The following ARMH1 variants were observed in gnomAD, a reference collection of about 807,000 sequenced individuals.
ARMH1 encodes armadillo like helical domain containing 1.
In ARMH1, 34 loss-of-function variants were observed where a neutral mutation model predicts 50.2. That is an observed-to-expected ratio of 0.68 (90% CI 0.51 to 0.90). ARMH1 has a LOEUF of 0.90. Ranked by LOEUF, ARMH1 falls within the 40% of genes least tolerant of loss-of-function variation. The probability of loss-of-function intolerance (pLI) is 0.00; values close to 1 mark genes in which losing one functional copy is unlikely to be tolerated. For missense variants in ARMH1, 538 were observed against 553.9 expected (o/e 0.97, Z 0.29); for synonymous variants, 221 against 224.2 (o/e 0.99, Z 0.13).
intron 6 of ARMH1, among the ~76,000 whole-genome samples, chr1:44,719,241 T>TC (rs1646983397): frequency 4.2e-5 from 3 of 71,414 alleles, no homozygotes; most frequent in African/African-American, 2.9e-4. Context: ...AAAACTAGCT[T>TC]TTATAGGGCT....
intron 6 of ARMH1, chr1:44,721,753 A>C (rs1026838835): frequency 1.2e-4 from 18 of 152,080 alleles, no homozygotes; most frequent in Non-Finnish European, 1.8e-4. Context: ...GAAACACCCC[A>C]CCCACACGTC....
intron 6 of ARMH1, among the ~76,000 whole-genome samples, chr1:44,710,608 C>CAAAA (rs56731047): frequency 4.1e-4 from 38 of 92,780 alleles, no homozygotes; most frequent in East Asian, 2.7e-3. Flanking sequence ...GACTCCGTCT[C>CAAAA]AAAAAAAAAA....
At chr1:44,713,227 T>C (rs1318868493) in intron 6 of ARMH1, among the ~76,000 whole-genome samples, 2 of 151,244 alleles carry the variant, frequency 1.3e-5, no homozygotes, top group African/African-American at 4.9e-5. Flanking sequence ...GCCTCCCGAG[T>C]AGCTGGGACC....
chr1:44,693,586 C>T (rs777486655), intron 2 of ARMH1, among the ~76,000 whole-genome samples: 5 of 152,076 alleles, frequency 3.3e-5, no homozygotes, highest in Admixed American at 1.3e-4. Context: ...GTGGCTGGGA[C>T]TATAGGCATG....
Position 44,681,319 on chromosome 1 carries a change from T to G in ARMH1, c.-23+6446T>G, listed in dbSNP as rs1645307798. On this transcript the variant is annotated intron_variant, in intron 1 of 11. Transcript: ENST00000535358. This position sits in a 1 kb window ranked among gnomAD's most constrained non-coding sequence, Gnocchi z 4.3. ...CGTGAGGCTCCATTTCTAAAAAATT[T>G]TTTTAAGTTAGCCAGGCATGGTGGT... is the stretch of plus-strand genomic sequence containing the variant. Among the ~76,000 whole-genome samples, 1 of 152,018 alleles carries G rather than the reference T, an allele frequency of 6.6e-6. No individual in the cohort carries two copies. The highest frequency in any genetic ancestry group is 2.4e-5 in the African/African-American group (1 of 41,380).
In ARMH1 at chr1:44,683,097, A is replaced by G. The variant is rs1410874575; in HGVS notation, c.-22-6579A>G. On this transcript the variant is annotated intron_variant, in intron 1 of 11. Transcript: ENST00000535358. The surrounding 1 kb of genome is among the most constrained non-coding windows in gnomAD (Gnocchi z 4.2). ...AGGTGAAGACAGACAGACTGATCTC[A>G]GGGAAATTTAGGACATGTAATTGGC... 6.6e-6 allele frequency among the ~76,000 whole-genome samples: 1 copy of G among 152,218 alleles called. No individual in the cohort carries two copies. The highest frequency in any genetic ancestry group is 6.5e-5 in the Admixed American group (1 of 15,284).
At chr1:44,690,554 A>G (rs1645627819) in intron 2 of ARMH1, among the ~76,000 whole-genome samples, 2 of 152,156 alleles carry the variant, frequency 1.3e-5, no homozygotes, top group African/African-American at 4.8e-5. Flanking sequence ...TTGCCTCATA[A>G]CCAGCGTTTT....
rs1648036287 is a variant in ARMH1 at position 44,724,833 on chromosome 1, C to G, written c.1122C>G (p.Leu374=). 4 of 1,539,934 alleles carry G rather than the reference C, an allele frequency of 2.6e-6. No individual in the cohort carries two copies. Among genetic ancestry groups the G allele is most frequent in the Non-Finnish European group, 2.6e-6 (3 of 1,146,082 alleles). The change falls in exon 10 of 12, where the codon CTC becomes CTG. Residue 374 remains leucine (L), a synonymous_variant. Transcript: ENST00000535358. The surrounding 1 kb of genome is among the most constrained non-coding windows in gnomAD (Gnocchi z 6.4). The stretch of plus-strand genomic sequence containing the variant: ...GCATGGGGGAGGAACTCTACCAGCT[C>G]TTCCTGGTAAGTGCGCCCTTCCTGC... ...RKCMGEELYQ[L]FLSNAEDLYM... is the part of the protein sequence containing the mutation.
At position 44,701,014 on chromosome 1, in the gene ARMH1, CA is replaced by C. The variant is rs1231353292; in HGVS notation, c.536del (p.Asn179IlefsTer12). ...QVLLDSLVHGNPKYQNQVYKG... is the reference protein window; with the variant it reads ...QVLLDSLVHGXPKYQNQVYKG... ...TTCTGTTGGATTCTTTGGTCCACGG[CA>C]ATCCCAAGTACCAAAATCAAGTGTA... On this transcript the variant is annotated frameshift_variant, in exon 5 of 12. Coordinates refer to ENST00000535358, the MANE Select transcript of ARMH1 (RefSeq NM_001145636.2). LOFTEE classifies it high-confidence loss of function. 1.3e-6 allele frequency: 2 copies of C among 1,551,562 alleles called. No homozygotes were observed. Among genetic ancestry groups the C allele is most frequent in the African/African-American group, 2.7e-5 (2 of 73,014 alleles).
intron 6 of ARMH1, chr1:44,721,904 G>T (rs3008978): frequency 1.1e-4 from 16 of 152,268 alleles, no homozygotes; most frequent in African/African-American, 3.6e-4. Flanking sequence ...CCAGAGATCT[G>T]CCTGTTAGCC....
intron 1 of ARMH1, among the ~76,000 whole-genome samples, chr1:44,679,062 G>A (rs1251502953): frequency 6.6e-6 from 1 of 152,202 alleles, no homozygotes; most frequent in Non-Finnish European, 1.5e-5. Context: ...CTGGGCTGAA[G>A]ACAAAGTAGG....
intron 6 of ARMH1, among the ~76,000 whole-genome samples, chr1:44,708,526 T>A (rs1646443719): frequency 6.6e-6 from 1 of 152,044 alleles, no homozygotes; most frequent in African/African-American, 2.4e-5. Context: ...GGAAGAAGGG[T>A]CAGGGGTGCC....
At chr1:44,723,933 C>T (rs1178678385) in intron 6 of ARMH1, 189 bp from the exon 7 acceptor site, 5 of 675,980 alleles carry the variant, frequency 7.4e-6, no homozygotes, top group African/African-American at 1.8e-5. Flanking sequence ...ACCCTTCCTC[C>T]TCCCCCTTCA....
chr1:44,721,503 G>C (rs1455857611), intron 6 of ARMH1, among the ~76,000 whole-genome samples: 3 of 150,040 alleles, frequency 2.0e-5, no homozygotes, highest in Admixed American at 6.6e-5. Context: ...TCAAAAACTA[G>C]GTTTTCTTTT....
chr1:44,676,113 C>A (rs1645132107), intron 1 of ARMH1, among the ~76,000 whole-genome samples: 2 of 152,072 alleles, frequency 1.3e-5, no homozygotes, highest in Admixed American at 1.3e-4. Flanking sequence ...ATTCCTTAGA[C>A]ACTTATAGCT....
chr1:44,704,209 G>A (rs762932635), intron 6 of ARMH1, 36 bp downstream of exon 6: 1 of 1,454,510 alleles, frequency 6.9e-7, no homozygotes, highest in Non-Finnish European at 9.4e-7. Context: ...GGGGCACCGA[G>A]AGCCAGACAT....
chr1:44,676,920 G>A (rs993558573), intron 1 of ARMH1, among the ~76,000 whole-genome samples: 2 of 152,166 alleles, frequency 1.3e-5, no homozygotes, highest in African/African-American at 4.8e-5. Context: ...GAAGATAACT[G>A]AGAATGGTGC....
chr1:44,714,974 G>C (rs929088468), intron 6 of ARMH1, among the ~76,000 whole-genome samples: 2 of 151,890 alleles, frequency 1.3e-5, no homozygotes, highest in African/African-American at 2.4e-5. Flanking sequence ...TCAAACTCTT[G>C]GGCTCAAGCG....
At chr1:44,694,963 T>C (rs187014020) in intron 2 of ARMH1, among the ~76,000 whole-genome samples, 1 of 152,326 alleles carries the variant, frequency 6.6e-6, no homozygotes, top group Admixed American at 6.5e-5. Context: ...AGTAATTTAC[T>C]AGCACATGGT....
Sources: allele counts gnomAD v4.1 joint callset (sites outside exome capture counted in the v4.1 genomes callset), GRCh38; gene constraint gnomAD v4.1.1; non-coding constraint Gnocchi (gnomAD v3.1); transcripts MANE v1.5; gene names NCBI Gene and HGNC (gene_info 2026-07-23, HGNC 2026-07-21).